Variants in DLG2 observed in about 807,000 individuals in gnomAD.
The protein encoded by DLG2 is disks large homolog 2.
A neutral mutation model predicts 132.5 loss-of-function variants in DLG2; 45 were observed. The observed-to-expected ratio is 0.34, with a 90% CI of 0.27 to 0.44. The LOEUF (loss-of-function observed/expected upper bound fraction) is 0.44. Among genes scored for constraint, DLG2 ranks in the 20% least tolerant of loss-of-function variants. The pLI is 1.00. For missense variants in DLG2, 1,045 were observed against 1,196.9 expected, an observed-to-expected ratio of 0.87 and a Z score of 1.87; for synonymous variants, 424 against 419.6, an observed-to-expected ratio of 1.01 and a Z score of -0.13.
At chr11:84,974,088 G>A (rs1192488511) in intron 6 of DLG2, among the ~76,000 whole-genome samples, 2 of 152,168 alleles carry the variant, frequency 1.3e-5, no homozygotes, top group Non-Finnish European at 1.5e-5. Flanking sequence ...CAGACCAAAG[G>A]AAGTAGGAGA....
At position 83,889,470 on chromosome 11, in the gene DLG2, A is replaced by G. The variant is rs541859469; in HGVS notation, c.1497-14982T>C. Among the ~76,000 whole-genome samples, 35 of 152,280 alleles carry G rather than the reference A, an allele frequency of 2.3e-4. No homozygotes were observed. In the East Asian group the frequency reaches 6.0e-3, roughly 26 times the overall value. On this transcript the variant is annotated intron_variant, in intron 15 of 27. Transcript: ENST00000376104. ...AGTCAGGAAACAACAGGTGCTGGAG[A>G]GGATGTGGAGAAATAGGAACACTTT...
At chr11:84,618,080 T>C (rs1321859404) in intron 6 of DLG2, among the ~76,000 whole-genome samples, 1 of 152,020 alleles carries the variant, frequency 6.6e-6, no homozygotes, top group African/African-American at 2.4e-5. Flanking sequence ...GGTAGGTAAA[T>C]AGTAAAAAGC....
At chr11:84,042,014 C>G (rs184107944) in intron 11 of DLG2, among the ~76,000 whole-genome samples, 31 of 151,992 alleles carry the variant, frequency 2.0e-4, no homozygotes, top group African/African-American at 7.5e-4. Context: ...TGTGAGGCCT[C>G]CCCAGCCACG....
At chr11:84,201,922 G>A (rs374757979) in intron 8 of DLG2, among the ~76,000 whole-genome samples, 21 of 136,862 alleles carry the variant, frequency 1.5e-4, no homozygotes, top group Middle Eastern at 4.3e-3. Flanking sequence ...GGGTTCAAGC[G>A]ATTCTCCTGC....
intron 3 of DLG2, among the ~76,000 whole-genome samples, chr11:85,584,458 G>T (rs572861347): frequency 7.9e-5 from 12 of 151,784 alleles, no homozygotes; most frequent in Non-Finnish European, 1.0e-4. Context: ...AAATTGTGCT[G>T]CTATAGACAT....
At chr11:85,124,082 A>G (rs1319747964) in intron 5 of DLG2, among the ~76,000 whole-genome samples, 1 of 152,202 alleles carries the variant, frequency 6.6e-6, no homozygotes, top group East Asian at 1.9e-4. Flanking sequence ...TGAGAGAGAA[A>G]GAGGAGAGGG....
At chr11:84,339,149 T>C (rs1254265570) in intron 7 of DLG2, among the ~76,000 whole-genome samples, 4 of 152,192 alleles carry the variant, frequency 2.6e-5, no homozygotes, top group African/African-American at 9.6e-5. Context: ...ATTACTTATT[T>C]CCCTAGCCTT....
chr11:85,494,059 C>T (rs2093619902), intron 3 of DLG2, among the ~76,000 whole-genome samples: 1 of 151,920 alleles, frequency 6.6e-6, no homozygotes, highest in Admixed American at 6.6e-5. Context: ...AGAGTGCTTC[C>T]TTCAATCTTG....
chr11:84,158,384 G>A (rs1242782487), intron 9 of DLG2, among the ~76,000 whole-genome samples: 3 of 152,066 alleles, frequency 2.0e-5, no homozygotes, highest in Non-Finnish European at 4.4e-5. Flanking sequence ...TTTTCAAAGA[G>A]GCATATTGCC....
At chr11:84,042,261 T>A (rs903139678) in intron 11 of DLG2, among the ~76,000 whole-genome samples, 6 of 151,898 alleles carry the variant, frequency 4.0e-5, no homozygotes, top group Non-Finnish European at 7.4e-5. Flanking sequence ...GTCTTGTCTA[T>A]TTTCAGAATC....
chr11:84,078,556 A>G (rs2096859211), intron 10 of DLG2, among the ~76,000 whole-genome samples: 1 of 152,180 alleles, frequency 6.6e-6, no homozygotes, highest in African/African-American at 2.4e-5. Context: ...ATGTGAAAAT[A>G]CCAATTAAAT....
chr11:84,835,945 A>C (rs1346719221), intron 6 of DLG2, among the ~76,000 whole-genome samples: 1 of 151,732 alleles, frequency 6.6e-6, no homozygotes, highest in Non-Finnish European at 1.5e-5. Context: ...AGGCCTGCAA[A>C]TCATCTTTTT....
At chr11:83,510,835 T>TG (rs199660317) in intron 21 of DLG2, among the ~76,000 whole-genome samples, 1,652 of 144,396 alleles carry the variant, frequency 0.011, 27 homozygotes, top group African/African-American at 0.039. Context: ...CATCCGTTTT[T>TG]TTTTTTTTTT....
intron 18 of DLG2, among the ~76,000 whole-genome samples, chr11:83,783,571 A>T (rs1161106563): frequency 6.6e-6 from 1 of 152,188 alleles, no homozygotes; most frequent in African/African-American, 2.4e-5. Flanking sequence ...AGTGCTGAGG[A>T]ATGGTAGGCT....
chr11:85,323,050 T>A (rs555438848), intron 3 of DLG2, among the ~76,000 whole-genome samples: 1 of 152,242 alleles, frequency 6.6e-6, no homozygotes, highest in African/African-American at 2.4e-5. Context: ...ATTCTTAATA[T>A]GGCCTGCAAG....
At chr11:83,567,395 T>C (rs1288540974) in intron 19 of DLG2, among the ~76,000 whole-genome samples, 1 of 152,188 alleles carries the variant, frequency 6.6e-6, no homozygotes, top group East Asian at 1.9e-4. Flanking sequence ...ATTGGAAGAT[T>C]GGGAACCTGG....
chr11:84,839,172 A>C (rs1476708226), intron 6 of DLG2, among the ~76,000 whole-genome samples: 1 of 152,140 alleles, frequency 6.6e-6, no homozygotes, highest in Non-Finnish European at 1.5e-5. Context: ...AATGTGCAAA[A>C]ATCGCAAGCA....
In DLG2 at chr11:84,539,831, A is replaced by G. The variant is rs535724412; in HGVS notation, c.358-5100T>C. ...ATACTACAAGGCTACAGTAACCAAA[A>G]CAGCATGGTAGGTATAGACCAATGG... On this transcript the variant is annotated intron_variant, in intron 6 of 27. Coordinates refer to ENST00000376104, the MANE Select transcript of DLG2 (RefSeq NM_001142699.3). Among the ~76,000 whole-genome samples the G allele has an allele frequency of 2.6e-5, 4 of 152,296 alleles. No homozygotes were observed. In the South Asian group the frequency reaches 8.3e-4, roughly 32 times the overall value.
intron 8 of DLG2, among the ~76,000 whole-genome samples, chr11:84,219,772 T>A (rs2096888817): frequency 6.6e-6 from 1 of 152,220 alleles, no homozygotes; most frequent in African/African-American, 2.4e-5. Flanking sequence ...CTTCTTGTCT[T>A]TGTGCCCCTT....
Sources: gnomAD v4.1 joint callset for allele counts (sites outside exome capture counted in the v4.1 genomes callset) on GRCh38, gnomAD v4.1.1 for gene constraint, MANE v1.5 for transcripts, NCBI Gene and HGNC (gene_info 2026-07-23, HGNC 2026-07-21) for gene names.